Variants in USP28 observed in about 807,000 individuals in gnomAD.
The protein encoded by USP28 is ubiquitin carboxyl-terminal hydrolase 28.
In USP28, 113 loss-of-function variants were observed where a neutral mutation model predicts 145.0. That is an observed-to-expected ratio of 0.78 (90% confidence interval 0.67 to 0.91). The LOEUF is 0.91. Ranked by LOEUF, USP28 falls within the 40% of genes least tolerant of loss-of-function variation. USP28 has a pLI of 0.00. For synonymous variants in USP28, 447 were observed against 450.9 expected, an observed-to-expected ratio of 0.99 and a Z score of 0.11; for missense variants, 1,201 against 1,289.6, an observed-to-expected ratio of 0.93 and a Z score of 1.05.
chr11:113,871,300 T>C (rs1425323898), intron 1 of USP28, among the ~76,000 whole-genome samples: 3 of 152,004 alleles, frequency 2.0e-5, no homozygotes, highest in Non-Finnish European at 1.5e-5. Flanking sequence ...ATAATGTGAG[T>C]AGCAAGGGAG....
At chr11:113,855,396 G>A (rs949595048) in intron 1 of USP28, among the ~76,000 whole-genome samples, 1 of 152,178 alleles carries the variant, frequency 6.6e-6, no homozygotes, top group African/African-American at 2.4e-5. Flanking sequence ...CTTTTTAGAT[G>A]AATGTTGAAA....
intron 3 of USP28, among the ~76,000 whole-genome samples, chr11:113,844,347 A>G (rs1945568113): frequency 6.6e-6 from 1 of 152,004 alleles, no homozygotes; most frequent in African/African-American, 2.4e-5. Context: ...AGGCTGGGGC[A>G]GGAGGCTTGA....
At chr11:113,817,334 G>A (rs901273545) in intron 13 of USP28, among the ~76,000 whole-genome samples, 1 of 152,206 alleles carries the variant, frequency 6.6e-6, no homozygotes, top group Non-Finnish European at 1.5e-5. Flanking sequence ...TGGAAGAGCA[G>A]GGCTTGAGGT....
exon 19 of USP28, chr11:113,806,542 C>A: frequency 6.2e-7 from 1 of 1,605,052 alleles, no homozygotes; most frequent in Non-Finnish European, 8.5e-7. Context: ...CGGGCTTTAG[C>A]TATGGCCAGG....
chr11:113,817,367 T>C (rs1028939901), intron 13 of USP28, among the ~76,000 whole-genome samples: 2 of 152,206 alleles, frequency 1.3e-5, no homozygotes, highest in Admixed American at 6.5e-5. Flanking sequence ...AGGCCTTTAA[T>C]GGCAGCTGGC....
rs111852026 is a variant in USP28 at position 113,813,292 on chromosome 11, A to AAGCC, written c.1743+589_1743+592dup. Among the ~76,000 whole-genome samples the AAGCC allele has an allele frequency of 8.0e-3, 1,213 of 152,264 alleles. 19 individuals carry two copies. The highest frequency in any genetic ancestry group is 0.028 in the African/African-American group (1,171 of 41,542). On this transcript the variant is annotated intron_variant, in intron 15 of 24. Transcript: ENST00000003302. ...TCTAGAAACAGGGCTCCCCTCCTCC[A>AAGCC]AGCCATTCTGCCCATTCCAGTCATT...
At chr11:113,863,548 AGT>A (rs1286402238) in intron 1 of USP28, among the ~76,000 whole-genome samples, 1 of 149,812 alleles carries the variant, frequency 6.7e-6, no homozygotes, top group Non-Finnish European at 1.5e-5. Flanking sequence ...AGAAGGCTGA[AGT>A]GGGAGGATTG....
intron 12 of USP28, chr11:113,821,187 A>C (rs1448803593): frequency 4.5e-6 from 1 of 222,842 alleles, no homozygotes; most frequent in East Asian, 1.1e-4. Flanking sequence ...AATCTTGAAG[A>C]GCATGGCATT....
chr11:113,802,134 T>C (rs1939144773), intron 23 of USP28, among the ~76,000 whole-genome samples: 1 of 152,212 alleles, frequency 6.6e-6, no homozygotes, highest in Non-Finnish European at 1.5e-5. Flanking sequence ...TGATGCACAC[T>C]AGGGGTTGGG....
intron 22 of USP28, 55 bp from the exon 24 acceptor site, chr11:113,803,336 G>C: frequency 6.6e-7 from 1 of 1,515,620 alleles, no homozygotes; most frequent in South Asian, 1.3e-5. Context: ...AAAATCTAGG[G>C]CTTAGACCTC....
chr11:113,857,005 G>A (rs2513589), intron 1 of USP28, among the ~76,000 whole-genome samples: 42 of 152,210 alleles, frequency 2.8e-4, no homozygotes, highest in Non-Finnish European at 5.1e-4. Flanking sequence ...ATCATCAGAA[G>A]TAGAGAGGTA....
intron 1 of USP28, among the ~76,000 whole-genome samples, chr11:113,866,909 A>G (rs1472279832): frequency 6.6e-6 from 1 of 152,246 alleles, no homozygotes; most frequent in Non-Finnish European, 1.5e-5. Flanking sequence ...CGTCAATGGA[A>G]GAATGGACAG....
rs1195874302 is a variant in USP28 at position 113,853,127 on chromosome 11, A to T, written c.136-494T>A. ...AGACCAGCTTGAGCAACTTGGCAAA[A>T]CCCCATCCCTACCAAAAATACAAAA... On this transcript the variant is annotated intron_variant, in intron 2 of 24. Coordinates refer to ENST00000003302, the Ensembl canonical transcript of USP28. Among the ~76,000 whole-genome samples, 3 of 152,002 alleles carry T rather than the reference A, an allele frequency of 2.0e-5. No individual in the cohort carries two copies. The East Asian group carries it at 5.8e-4, about 29-fold the overall frequency.
chr11:113,840,756 T>A, exon 5 of USP28: 1 of 1,613,996 alleles, frequency 6.2e-7, no homozygotes, highest in South Asian at 1.1e-5. Context: ...GCTTCATGCA[T>A]CCTATATTGT....
At chr11:113,802,038 G>T (rs960445351) in intron 23 of USP28, among the ~76,000 whole-genome samples, 1 of 152,158 alleles carries the variant, frequency 6.6e-6, no homozygotes, top group African/African-American at 2.4e-5. Context: ...ACACACTGAT[G>T]CCCAGGGCCC....
At chr11:113,846,795 G>A (rs548590677) in intron 3 of USP28, among the ~76,000 whole-genome samples, 1 of 152,190 alleles carries the variant, frequency 6.6e-6, no homozygotes, top group African/African-American at 2.4e-5. Context: ...GTTTGAGACC[G>A]GCCTGGCCAA....
intron 21 of USP28, among the ~76,000 whole-genome samples, chr11:113,804,470 A>G (rs1426026361): frequency 6.6e-6 from 1 of 152,220 alleles, no homozygotes; most frequent in African/African-American, 2.4e-5. Context: ...ATGTTGACTC[A>G]CTCTAAATGA....
intron 3 of USP28, among the ~76,000 whole-genome samples, chr11:113,846,410 G>C (rs1945853040): frequency 6.6e-6 from 1 of 152,124 alleles, no homozygotes; most frequent in South Asian, 2.1e-4. Flanking sequence ...AAATAAGCCA[G>C]TCACAAAAAG....
At chr11:113,872,283 G>A (rs778648694) in intron 1 of USP28, among the ~76,000 whole-genome samples, 178 of 152,132 alleles carry the variant, frequency 1.2e-3, no homozygotes, top group Non-Finnish European at 1.6e-3. Flanking sequence ...TCAGGAGATC[G>A]AGACCATCCT....
Sources: gnomAD v4.1 joint callset for allele counts (sites outside exome capture counted in the v4.1 genomes callset) on GRCh38, gnomAD v4.1.1 for gene constraint, MANE v1.5 for transcripts, NCBI Gene and HGNC (gene_info 2026-07-23, HGNC 2026-07-21) for gene names.